Variants in CDH4 observed in about 807,000 individuals in gnomAD.
CDH4 encodes cadherin-4.
A neutral mutation model predicts 86.0 loss-of-function variants in CDH4; 33 were observed. The observed-to-expected ratio is 0.38, with a 90% CI of 0.29 to 0.51. The LOEUF (loss-of-function observed/expected upper bound fraction) is 0.51, where lower values mean the gene tolerates loss of function less well. CDH4 is among the 20% of genes least tolerant of loss of function. CDH4 has a pLI of 0.86. For synonymous variants in CDH4, 555 were observed against 549.4 expected, an observed-to-expected ratio of 1.01 and a Z score of -0.14; for missense variants, 1,114 against 1,307.4, an observed-to-expected ratio of 0.85 and a Z score of 2.28.
chr20:61,908,142 C>A (rs2054811114), intron 8 of CDH4, among the ~76,000 whole-genome samples: 1 of 152,186 alleles, frequency 6.6e-6, no homozygotes, highest in Admixed American at 6.5e-5. Context: ...AGAAAGGACG[C>A]AGTGTTTGTC....
intron 4 of CDH4, among the ~76,000 whole-genome samples, chr20:61,822,382 A>G (rs1981089565): frequency 6.6e-6 from 1 of 152,250 alleles, no homozygotes; most frequent in African/African-American, 2.4e-5. Context: ...TGCTGTGTTT[A>G]GATTATCAGA....
chr20:61,905,166 G>A (rs2054775352), intron 8 of CDH4, among the ~76,000 whole-genome samples: 1 of 152,214 alleles, frequency 6.6e-6, no homozygotes, highest in Non-Finnish European at 1.5e-5. Flanking sequence ...ATCCCAAGGG[G>A]CCTGAGAGGC....
intron 2 of CDH4, among the ~76,000 whole-genome samples, chr20:61,632,641 C>T (rs2086900911): frequency 6.6e-6 from 1 of 151,954 alleles, no homozygotes; most frequent in Admixed American, 6.6e-5. Flanking sequence ...TCCATTTCCC[C>T]ACCTCTCTTT....
chr20:61,489,983 G>C (rs1007617770), intron 2 of CDH4, among the ~76,000 whole-genome samples: 11 of 152,126 alleles, frequency 7.2e-5, no homozygotes, highest in African/African-American at 2.2e-4. Flanking sequence ...AAATTTTTCA[G>C]ATCATTGTGA....
chr20:61,895,330 T>C (rs1214212470), intron 8 of CDH4, among the ~76,000 whole-genome samples: 1 of 152,228 alleles, frequency 6.6e-6, no homozygotes, highest in East Asian at 1.9e-4. Flanking sequence ...TGACTGGTAC[T>C]GCCTGGGCTG....
intron 8 of CDH4, among the ~76,000 whole-genome samples, chr20:61,909,565 G>T (rs1267058134): frequency 2.0e-5 from 3 of 152,124 alleles, no homozygotes; most frequent in African/African-American, 7.2e-5. Flanking sequence ...CCTCTTCCGG[G>T]TTCTGCTGGC....
intron 2 of CDH4, among the ~76,000 whole-genome samples, chr20:61,551,861 G>A (rs139841087): frequency 3.2e-4 from 48 of 152,308 alleles, no homozygotes; most frequent in Admixed American, 8.5e-4. Context: ...TGACAAAGGT[G>A]CCAAAACCAT....
chr20:61,896,247 C>A (rs1404978337), intron 8 of CDH4, among the ~76,000 whole-genome samples: 1 of 152,116 alleles, frequency 6.6e-6, no homozygotes, highest in Non-Finnish European at 1.5e-5. Context: ...ACTCTGGGCT[C>A]CGGGAGGCTA....
At chr20:61,266,189 A>G (rs1252544224) in intron 2 of CDH4, among the ~76,000 whole-genome samples, 4 of 152,080 alleles carry the variant, frequency 2.6e-5, no homozygotes, top group African/African-American at 9.7e-5. Flanking sequence ...CCCAGGAAAG[A>G]TGGCCCTGGT....
intron 2 of CDH4, among the ~76,000 whole-genome samples, chr20:61,506,144 A>AGTG (rs2145606825): frequency 6.6e-6 from 1 of 152,384 alleles, no homozygotes; most frequent in South Asian, 2.1e-4. Context: ...TGTGAGACAC[A>AGTG]CTATGACAGA....
intron 2 of CDH4, among the ~76,000 whole-genome samples, chr20:61,732,749 G>A (rs748274590): frequency 8.5e-5 from 13 of 152,198 alleles, no homozygotes; most frequent in Non-Finnish European, 1.6e-4. Context: ...CGTCCCCCAC[G>A]CCTGTGAGAG....
At chr20:61,861,973 G>A (rs1352534462) in intron 6 of CDH4, among the ~76,000 whole-genome samples, 1 of 152,226 alleles carries the variant, frequency 6.6e-6, no homozygotes, top group African/African-American at 2.4e-5. Flanking sequence ...TCACACCTGG[G>A]GAAAGGCAGG....
intron 2 of CDH4, among the ~76,000 whole-genome samples, chr20:61,389,214 G>T (rs183075259): frequency 6.6e-6 from 1 of 152,366 alleles, no homozygotes; most frequent in Non-Finnish European, 1.5e-5. Flanking sequence ...GGAGGGGTGG[G>T]GGTGCAGGCT....
chr20:61,360,572 C>T (rs2084778105), intron 2 of CDH4, among the ~76,000 whole-genome samples: 1 of 152,158 alleles, frequency 6.6e-6, no homozygotes, highest in Non-Finnish European at 1.5e-5. Context: ...GCTCTCAGTA[C>T]ACTGTGAAGA....
chr20:61,658,653 T>C (rs1012101612), intron 2 of CDH4, among the ~76,000 whole-genome samples: 1 of 152,152 alleles, frequency 6.6e-6, no homozygotes, highest in Non-Finnish European at 1.5e-5. Flanking sequence ...CCAGGAGCCC[T>C]CCTGTCTCAG....
At chr20:61,680,590 G>T (rs1463112633) in intron 2 of CDH4, among the ~76,000 whole-genome samples, 1 of 152,216 alleles carries the variant, frequency 6.6e-6, no homozygotes, top group African/African-American at 2.4e-5. Context: ...GAAACACAAA[G>T]AGCCGAGCAT....
intron 6 of CDH4, among the ~76,000 whole-genome samples, chr20:61,861,260 G>C (rs887569040): frequency 6.6e-6 from 1 of 152,198 alleles, no homozygotes; most frequent in African/African-American, 2.4e-5. Context: ...GCGATCATGC[G>C]GTCATCACAG....
At chr20:61,578,626 G>A (rs2145715787) in intron 2 of CDH4, among the ~76,000 whole-genome samples, 1 of 152,256 alleles carries the variant, frequency 6.6e-6, no homozygotes, top group Admixed American at 6.5e-5. Context: ...GGGGTGGTCG[G>A]CCAGGATTCT....
intron 7 of CDH4, among the ~76,000 whole-genome samples, chr20:61,893,792 G>GTGGA (rs5842369): frequency 0.94 from 11,751 of 12,546 alleles, 5,795 homozygotes; most frequent in Middle Eastern, 1. Flanking sequence ...GGGTGGGTGA[G>GTGGA]TGGATGGATG....
Sources: gnomAD v4.1 joint callset for allele counts (sites outside exome capture counted in the v4.1 genomes callset) on GRCh38, gnomAD v4.1.1 for gene constraint, MANE v1.5 for transcripts, NCBI Gene and HGNC (gene_info 2026-07-23, HGNC 2026-07-21) for gene names.